The following ANTXR1 variants were observed in gnomAD, a reference collection of about 807,000 sequenced individuals.
The protein encoded by ANTXR1 is anthrax toxin receptor 1.
A neutral mutation model predicts 78.1 loss-of-function variants in ANTXR1; 19 were observed. That is an observed-to-expected ratio of 0.24 (90% CI 0.17 to 0.36). ANTXR1 has a LOEUF of 0.36. ANTXR1 is among the 10% of genes least tolerant of loss of function. ANTXR1 has a pLI of 1.00. For missense variants in ANTXR1, 518 were observed against 718.6 expected (o/e 0.72, Z 3.19); for synonymous variants, 273 against 260.5 (o/e 1.05, Z -0.46).
chr2:69,135,920 C>A (rs1016301208), intron 12 of ANTXR1, among the ~76,000 whole-genome samples: 1 of 151,970 alleles, frequency 6.6e-6, no homozygotes. Flanking sequence ...AAAATAGGGT[C>A]CAAAGTTTTT....
At chr2:69,035,785 T>C (rs1669382855) in intron 1 of ANTXR1, among the ~76,000 whole-genome samples, 1 of 152,230 alleles carries the variant, frequency 6.6e-6, no homozygotes, top group African/African-American at 2.4e-5. Flanking sequence ...GTTTTAAAGC[T>C]CTCATTTTAT....
At chr2:69,131,799 C>T (rs1672756093) in intron 12 of ANTXR1, among the ~76,000 whole-genome samples, 1 of 152,158 alleles carries the variant, frequency 6.6e-6, no homozygotes, top group African/African-American at 2.4e-5. Flanking sequence ...GGGAGGTAGA[C>T]TTCAGAAAAG....
intron 8 of ANTXR1, among the ~76,000 whole-genome samples, chr2:69,078,522 C>T (rs1230368946): frequency 6.6e-6 from 1 of 152,176 alleles, no homozygotes; most frequent in Non-Finnish European, 1.5e-5. Context: ...ATGCTGCTCT[C>T]CCTTCAGGGT....
intron 13 of ANTXR1, among the ~76,000 whole-genome samples, chr2:69,169,419 T>C (rs1443575610): frequency 6.6e-6 from 1 of 152,192 alleles, no homozygotes; most frequent in East Asian, 1.9e-4. Context: ...AGACTCTAAA[T>C]CCATTTAACG....
chr2:69,195,638 G>A (rs918168511), intron 17 of ANTXR1, among the ~76,000 whole-genome samples: 6 of 152,184 alleles, frequency 3.9e-5, no homozygotes, highest in African/African-American at 1.4e-4. Context: ...AAACTCTACA[G>A]TTAGGAGAAA....
intron 17 of ANTXR1, among the ~76,000 whole-genome samples, chr2:69,222,837 C>T (rs1675352964): frequency 3.3e-5 from 5 of 152,210 alleles, no homozygotes; most frequent in African/African-American, 1.2e-4. Flanking sequence ...AAACCACTTT[C>T]GCATGGCCCA....
At chr2:69,166,255 T>A (rs576629949) in intron 13 of ANTXR1, among the ~76,000 whole-genome samples, 2 of 152,244 alleles carry the variant, frequency 1.3e-5, no homozygotes, top group African/African-American at 4.8e-5. Flanking sequence ...CGTCATCAAA[T>A]CTGACCCTAC....
At chr2:69,116,315 G>C (rs1266909389) in intron 10 of ANTXR1, among the ~76,000 whole-genome samples, 1 of 152,216 alleles carries the variant, frequency 6.6e-6, no homozygotes. Context: ...TCTCTTTGGA[G>C]CTCCAGAAAG....
chr2:69,172,299 T>C (rs922483276), intron 14 of ANTXR1: 3 of 1,345,258 alleles, frequency 2.2e-6, no homozygotes, highest in African/African-American at 1.4e-5. Context: ...CATGTGCTGA[T>C]TGCCTTAGCG....
At chr2:69,234,957 A>G (rs1039503276) in intron 17 of ANTXR1, among the ~76,000 whole-genome samples, 17 of 150,422 alleles carry the variant, frequency 1.1e-4, no homozygotes, top group African/African-American at 3.2e-4. Flanking sequence ...TAAACATTCT[A>G]TAAACATAGA....
intron 10 of ANTXR1, among the ~76,000 whole-genome samples, chr2:69,118,462 A>G (rs761960744): frequency 3.3e-5 from 5 of 152,308 alleles, no homozygotes; most frequent in Non-Finnish European, 7.3e-5. Flanking sequence ...AAACATAAAA[A>G]TAAAATTTTC....
At chr2:69,219,384 G>GACGGAC (rs1553376795) in intron 17 of ANTXR1, among the ~76,000 whole-genome samples, 1 of 132,224 alleles carries the variant, frequency 7.6e-6, no homozygotes, top group Non-Finnish European at 1.6e-5. Context: ...CCAGAAGGAG[G>GACGGAC]ACACACACAC....
intron 14 of ANTXR1, chr2:69,172,358 T>C (rs770135817): frequency 1.9e-6 from 3 of 1,610,002 alleles, no homozygotes; most frequent in African/African-American, 2.7e-5. Context: ...TCCTAATGTA[T>C]TTTGGCAGGA....
chr2:69,195,680 G>A (rs1032502412), intron 17 of ANTXR1, among the ~76,000 whole-genome samples: 1 of 152,088 alleles, frequency 6.6e-6, no homozygotes, highest in Non-Finnish European at 1.5e-5. Flanking sequence ...ACTCTGGGAG[G>A]TGTTTGGTCT....
At chr2:69,183,666 C>T (rs1674341870) in intron 16 of ANTXR1, among the ~76,000 whole-genome samples, 1 of 150,762 alleles carries the variant, frequency 6.6e-6, no homozygotes, top group South Asian at 2.1e-4. Flanking sequence ...CTGCCCACCT[C>T]GGCCTCCCAA....
intron 3 of ANTXR1, among the ~76,000 whole-genome samples, chr2:69,057,642 T>G (rs563079196): frequency 6.6e-6 from 1 of 152,180 alleles, no homozygotes; most frequent in African/African-American, 2.4e-5. Context: ...TACTTGGTCT[T>G]CCCTATTCCC....
At chr2:69,194,817 C>A (rs1674630675) in intron 17 of ANTXR1, among the ~76,000 whole-genome samples, 1 of 151,912 alleles carries the variant, frequency 6.6e-6, no homozygotes, top group African/African-American at 2.4e-5. Context: ...CGCACCACTG[C>A]TCCAGCCTGG....
chr2:69,139,215 C>T lies in ANTXR1; in HGVS notation c.952-12954C>T, dbSNP rs142109653. On this transcript the variant is annotated intron_variant, in intron 12 of 17. Transcript: ENST00000303714. ...GAATGCCCTCTCTTCTTTCACCTAT[C>T]CAATTTCACTGTGGCCTTAAGGCCT... Among the ~76,000 whole-genome samples, 217 of 152,362 alleles carry T rather than the reference C, an allele frequency of 1.4e-3. 1 individual carries two copies. The highest frequency in any genetic ancestry group is 9.7e-3 in the South Asian group (47 of 4,828).
chr2:69,064,538 A>G (rs746177848), intron 3 of ANTXR1, among the ~76,000 whole-genome samples: 11 of 152,220 alleles, frequency 7.2e-5, no homozygotes, highest in Non-Finnish European at 1.6e-4. Flanking sequence ...GGGACCATAC[A>G]GTGGGAGGAG....
Sources: allele counts gnomAD v4.1 joint callset (sites outside exome capture counted in the v4.1 genomes callset), GRCh38; gene constraint gnomAD v4.1.1; transcripts MANE v1.5; gene names NCBI Gene and HGNC (gene_info 2026-07-23, HGNC 2026-07-21).